The following CCSER1 variants were observed in gnomAD, a reference collection of about 807,000 sequenced individuals.
CCSER1 encodes the protein serine-rich coiled-coil domain-containing protein 1.
A neutral mutation model predicts 82.0 loss-of-function variants in CCSER1; 41 were observed. That is an observed-to-expected ratio of 0.50 (90% CI 0.39 to 0.65). CCSER1 has a LOEUF of 0.65. CCSER1 is among the 30% of genes least tolerant of loss of function. CCSER1 has a pLI of 0.00. For synonymous variants in CCSER1, 414 were observed against 383.9 expected (o/e 1.08, Z -0.92); for missense variants, 1,119 against 1,064.2 (o/e 1.05, Z -0.72).
In CCSER1 at chr4:91,598,543, C is replaced by T. The variant is rs1431160825; in HGVS notation, c.2218-29C>T. On this transcript the variant is annotated intron_variant, in intron 10 of 10. Transcript: ENST00000509176. ...ATGCTATGAAAGTGTTTTTTTAAGACATCTTTTTCTTTCTGTGTCTTACCA... is the reference window on the plus strand; with the variant it reads ...ATGCTATGAAAGTGTTTTTTTAAGATATCTTTTTCTTTCTGTGTCTTACCA... 11 of 1,512,904 alleles carry T rather than the reference C, an allele frequency of 7.3e-6. No individual in the cohort carries two copies. In the South Asian group the frequency reaches 1.3e-4, roughly 17 times the overall value. The allele number at this position is 1,512,904 out of a possible 1,614,324, so 93.7% of individuals were successfully genotyped here. A position where few individuals can be genotyped will look rare whatever the true frequency, so the allele number is the denominator to read the frequency against.
intron 10 of CCSER1, among the ~76,000 whole-genome samples, chr4:91,524,015 C>T (rs1760646110): frequency 1.3e-5 from 2 of 152,264 alleles, no homozygotes; most frequent in South Asian, 4.1e-4. Context: ...TGGAGGAATG[C>T]CTATGTTTTA....
chr4:90,202,138 G>T (rs1263834390), intron 1 of CCSER1, among the ~76,000 whole-genome samples: 1 of 151,830 alleles, frequency 6.6e-6, no homozygotes. Flanking sequence ...ACTCTTTTTG[G>T]TGATTCATAA....
intron 5 of CCSER1, among the ~76,000 whole-genome samples, chr4:90,613,462 C>T (rs371504414): frequency 1.3e-5 from 2 of 152,148 alleles, no homozygotes; most frequent in Non-Finnish European, 2.9e-5. Flanking sequence ...CCATGGGTGG[C>T]AGGAATTAAT....
At chr4:91,099,733 G>A (rs1016295250) in intron 10 of CCSER1, among the ~76,000 whole-genome samples, 2 of 152,198 alleles carry the variant, frequency 1.3e-5, no homozygotes, top group African/African-American at 4.8e-5. Flanking sequence ...AATTGGTTGA[G>A]CTTATCTAAA....
At chr4:90,781,779 T>C (rs1753812583) in intron 7 of CCSER1, 1 of 961,772 alleles carries the variant, frequency 1.0e-6, no homozygotes, top group Non-Finnish European at 1.2e-6. Flanking sequence ...ATATTATCTT[T>C]TATTTTGGCT....
chr4:91,050,081 C>T (rs138109998), intron 9 of CCSER1, among the ~76,000 whole-genome samples: 1 of 152,238 alleles, frequency 6.6e-6, no homozygotes, highest in East Asian at 1.9e-4. Flanking sequence ...CATATATACA[C>T]ATTTGTGAAT....
chr4:90,380,285 G>C (rs910093987), intron 3 of CCSER1, among the ~76,000 whole-genome samples: 1 of 152,094 alleles, frequency 6.6e-6, no homozygotes, highest in Non-Finnish European at 1.5e-5. Flanking sequence ...AAGTGAGAAA[G>C]CAATAAAATG....
chr4:90,200,061 G>GACACACACACACACACACACACACAC, intron 1 of CCSER1, among the ~76,000 whole-genome samples: 1 of 144,954 alleles, frequency 6.9e-6, no homozygotes, highest in East Asian at 2.1e-4. Context: ...CGTGCACGCA[G>GACACACACACACACACACACACACAC]ACACACACAC....
At chr4:90,433,382 A>C (rs893624321) in intron 4 of CCSER1, among the ~76,000 whole-genome samples, 3 of 152,074 alleles carry the variant, frequency 2.0e-5, no homozygotes, top group African/African-American at 7.2e-5. Flanking sequence ...CTAATCTACC[A>C]AGGGGATTGA....
chr4:90,374,179 C>A (rs1482141390), intron 3 of CCSER1, among the ~76,000 whole-genome samples: 1 of 152,082 alleles, frequency 6.6e-6, no homozygotes, highest in East Asian at 1.9e-4. Flanking sequence ...AGAATAGGAT[C>A]GATGAGACGC....
At chr4:90,780,357 T>C (rs1753602525) in intron 7 of CCSER1, 3 of 1,346,738 alleles carry the variant, frequency 2.2e-6, no homozygotes, top group Admixed American at 4.0e-5. Context: ...CATTTAAGTT[T>C]CATTGATGAT....
At chr4:90,874,306 G>GT in intron 8 of CCSER1, among the ~76,000 whole-genome samples, 1 of 152,096 alleles carries the variant, frequency 6.6e-6, no homozygotes, top group Non-Finnish European at 1.5e-5. Flanking sequence ...TGTATTTGAA[G>GT]TTTTTTAAAT....
rs1481767296 is a variant in CCSER1, at chr4:90,297,836, A to G, written c.-41-10408A>G. 6.6e-5 allele frequency among the ~76,000 whole-genome samples: 10 copies of G among 151,862 alleles called. 1 individual carries two copies. Among genetic ancestry groups the G allele is most frequent in the Non-Finnish European group, 1.2e-4 (8 of 67,894 alleles). On this transcript the variant is annotated intron_variant, in intron 1 of 10. Transcript: ENST00000509176. ...TATTGAACCAGCCTTGCATCCCAGG[A>G]ATGAAGCCCACTTGATCATGGTGGA...
chr4:91,248,020 C>G (rs1035898762), intron 10 of CCSER1, among the ~76,000 whole-genome samples: 3 of 152,072 alleles, frequency 2.0e-5, no homozygotes, highest in African/African-American at 7.2e-5. Context: ...AGGGCGTGTT[C>G]TGAGAGACAA....
chr4:91,585,175 T>C, intron 10 of CCSER1, among the ~76,000 whole-genome samples: 1 of 151,498 alleles, frequency 6.6e-6, no homozygotes, highest in East Asian at 1.9e-4. Flanking sequence ...AGCAAGTAAG[T>C]TTAATACTAG....
intron 6 of CCSER1, among the ~76,000 whole-genome samples, chr4:90,650,686 A>G (rs1052682415): frequency 6.6e-6 from 1 of 152,146 alleles, no homozygotes. Context: ...AAATACCTAC[A>G]TATTTTTTAC....
intron 5 of CCSER1, among the ~76,000 whole-genome samples, chr4:90,608,183 T>C (rs542006594): frequency 9.9e-5 from 15 of 152,046 alleles, no homozygotes; most frequent in African/African-American, 3.6e-4. Context: ...GGATAAGGAG[T>C]TTGAGCAGGG....
chr4:90,240,845 G>T (rs1442797766), intron 1 of CCSER1, among the ~76,000 whole-genome samples: 1 of 152,110 alleles, frequency 6.6e-6, no homozygotes, highest in African/African-American at 2.4e-5. Context: ...TTAGGCCTGT[G>T]CTTATTTTTC....
At chr4:90,457,786 G>T (rs1762376850) in intron 4 of CCSER1, among the ~76,000 whole-genome samples, 2 of 152,110 alleles carry the variant, frequency 1.3e-5, no homozygotes, top group Admixed American at 1.3e-4. Flanking sequence ...CCAGGCTTCA[G>T]GCCATCCCTA....
Sources: allele counts gnomAD v4.1 joint callset (sites outside exome capture counted in the v4.1 genomes callset), GRCh38; gene constraint gnomAD v4.1.1; transcripts MANE v1.5; gene names NCBI Gene and HGNC (gene_info 2026-07-23, HGNC 2026-07-21).